Variants in ALPK2 observed in about 807,000 individuals in gnomAD.
ALPK2 encodes alpha-protein kinase 2.
Under a neutral mutation model 163.1 loss-of-function variants are expected in ALPK2, and 127 were observed. The ratio of observed to expected loss-of-function variants is 0.78; its 90% CI spans 0.67 to 0.90. The LOEUF is 0.90. ALPK2 is among the 40% of genes least tolerant of loss of function. The probability of loss-of-function intolerance (pLI) is 0.00; values close to 1 mark genes in which losing one functional copy is unlikely to be tolerated. For missense variants in ALPK2, 2,360 were observed against 2,589.6 expected (o/e 0.91, Z 1.92); for synonymous variants, 953 against 959.1 (o/e 0.99, Z 0.12).
intron 1 of ALPK2, among the ~76,000 whole-genome samples, chr18:58,622,305 C>T (rs1188612539): frequency 1.3e-5 from 2 of 152,110 alleles, no homozygotes; most frequent in Admixed American, 6.5e-5. Context: ...CGAGATCGCA[C>T]CATTGCACTC....
At chr18:58,584,963 G>T (rs1318739772) in intron 3 of ALPK2, among the ~76,000 whole-genome samples, 2 of 152,180 alleles carry the variant, frequency 1.3e-5, no homozygotes, top group Non-Finnish European at 2.9e-5. Context: ...ACAATTAATT[G>T]AATTCCCTCC....
At position 58,529,164 on chromosome 18, in the gene ALPK2, A is replaced by C; in HGVS notation, c.5428T>G (p.Phe1810Val). ...HSGNVKLSCQ[F>V]AEIHEDSTIC... is the part of the protein sequence containing the mutation. ...GTAGAATCTTCATGAATTTCTGCAA[A>C]TTGGCAGCTTAATTTTACATTTCCA... The change falls in exon 6 of 13, where the codon TTT becomes GTT. Residue 1810 changes from phenylalanine to valine, a missense_variant. Physicochemically the swap from Phe to Val is conservative, Grantham distance 50. Coordinates refer to ENST00000361673, the MANE Select transcript of ALPK2 (RefSeq NM_052947.4). 6.2e-7 allele frequency: 1 copy of C among 1,614,094 alleles called. No individual in the cohort carries two copies. The highest frequency in any genetic ancestry group is 1.1e-5 in the South Asian group (1 of 91,078).
At chr18:58,492,533 A>G (rs1188242772) in intron 12 of ALPK2, among the ~76,000 whole-genome samples, 1 of 151,306 alleles carries the variant, frequency 6.6e-6, no homozygotes. Flanking sequence ...TGTCACCCCA[A>G]CCCTCTCAGC....
At chr18:58,554,204 G>A (rs2051777003) in intron 4 of ALPK2, among the ~76,000 whole-genome samples, 1 of 152,140 alleles carries the variant, frequency 6.6e-6, no homozygotes, top group South Asian at 2.1e-4. Context: ...TAATACAAAC[G>A]TGTTAGCTCA....
chr18:58,602,341 C>T (rs866858336), intron 3 of ALPK2, among the ~76,000 whole-genome samples: 4 of 152,304 alleles, frequency 2.6e-5, no homozygotes, highest in Middle Eastern at 3.4e-3. Flanking sequence ...AACAAACTAC[C>T]GCAAACTGGG....
At chr18:58,539,638 T>G (rs1243170443) in intron 4 of ALPK2, among the ~76,000 whole-genome samples, 1 of 152,204 alleles carries the variant, frequency 6.6e-6, no homozygotes, top group East Asian at 1.9e-4. Flanking sequence ...AGGGAACAGA[T>G]GACTGGCCTT....
At chr18:58,519,343 C>G (rs534064830) in intron 8 of ALPK2, among the ~76,000 whole-genome samples, 1 of 152,278 alleles carries the variant, frequency 6.6e-6, no homozygotes, top group South Asian at 2.1e-4. Flanking sequence ...GCCTCTAATA[C>G]CACTAACAGA....
intron 4 of ALPK2, among the ~76,000 whole-genome samples, chr18:58,572,183 A>G (rs1457879355): frequency 1.3e-5 from 2 of 152,210 alleles, no homozygotes; most frequent in Non-Finnish European, 2.9e-5. Context: ...ATGCAAATTA[A>G]AAGCTACAAT....
In ALPK2 at chr18:58,481,722, C is replaced by A; in HGVS notation, c.*101G>T. 1.1e-6 allele frequency: 1 copy of A among 936,456 alleles called. No individual in the cohort carries two copies. Among genetic ancestry groups the A allele is most frequent in the Non-Finnish European group, 1.7e-6 (1 of 596,488 alleles). 58.0% of individuals were successfully genotyped at this position (936,456 alleles called of 1,614,324 possible). A position where few individuals can be genotyped will look rare whatever the true frequency, so the allele number is the denominator to read the frequency against. ...AGTCGGCTGGGAGTAAGGATTGCCA[C>A]GCACTCTCTGCAGGCTGTATATTCT... On this transcript the variant is annotated 3_prime_UTR_variant, in exon 13 of 13. Transcript: ENST00000361673.
At chr18:58,526,803 G>A (rs897005753) in intron 6 of ALPK2, among the ~76,000 whole-genome samples, 28 of 152,192 alleles carry the variant, frequency 1.8e-4, no homozygotes, top group African/African-American at 6.8e-4. Flanking sequence ...GTTAAGGAAA[G>A]TACCCAAAAC....
chr18:58,594,847 G>A (rs1055552885), intron 3 of ALPK2, among the ~76,000 whole-genome samples: 1 of 152,146 alleles, frequency 6.6e-6, no homozygotes, highest in Admixed American at 6.5e-5. Context: ...ACCGTCCTGG[G>A]TGGAGGCACC....
intron 2 of ALPK2, among the ~76,000 whole-genome samples, chr18:58,609,468 G>A (rs11664616): frequency 0.12 from 18,462 of 152,164 alleles, 1,145 homozygotes; most frequent in South Asian, 0.17. Flanking sequence ...TTGTGGGTAC[G>A]TGGCTGTTTT....
At chr18:58,571,636 A>G (rs147275466) in intron 4 of ALPK2, among the ~76,000 whole-genome samples, 8 of 152,290 alleles carry the variant, frequency 5.3e-5, no homozygotes, top group African/African-American at 1.9e-4. Context: ...AAAACTGACC[A>G]TTAGACCTCA....
chr18:58,504,171 C>T (rs771635591), intron 10 of ALPK2, 23 bp from the exon 11 acceptor site: 13 of 1,595,228 alleles, frequency 8.1e-6, no homozygotes, highest in East Asian at 6.7e-5. Context: ...AGAACACAGG[C>T]GCACATCAAG....
chr18:58,586,603 T>C (rs548742005), intron 3 of ALPK2, among the ~76,000 whole-genome samples: 4 of 152,264 alleles, frequency 2.6e-5, no homozygotes, highest in Admixed American at 6.5e-5. Flanking sequence ...CAGGACCCAG[T>C]TGGGGCTCCT....
At chr18:58,571,732 C>A (rs1338931410) in intron 4 of ALPK2, among the ~76,000 whole-genome samples, 1 of 151,938 alleles carries the variant, frequency 6.6e-6, no homozygotes, top group Non-Finnish European at 1.5e-5. Context: ...ATTTGGAAAT[C>A]TTTAGGAGGC....
At chr18:58,555,692 G>A (rs937397491) in intron 4 of ALPK2, among the ~76,000 whole-genome samples, 1 of 152,200 alleles carries the variant, frequency 6.6e-6, no homozygotes, top group Admixed American at 6.5e-5. Flanking sequence ...GGGCATGCAT[G>A]AGGCCCGAAG....
At chr18:58,563,605 A>T (rs188602603) in intron 4 of ALPK2, among the ~76,000 whole-genome samples, 5 of 152,348 alleles carry the variant, frequency 3.3e-5, no homozygotes, top group Admixed American at 1.3e-4. Flanking sequence ...TCTCTCATGA[A>T]CCTGTAAGTT....
Position 58,578,898 on chromosome 18 carries a change from G to T in ALPK2, c.1878C>A (p.Gly626=). 6.2e-7 allele frequency: 1 copy of T among 1,614,152 alleles called. No individual in the cohort carries two copies. Among genetic ancestry groups the T allele is most frequent in the East Asian group, 2.2e-5 (1 of 44,880 alleles). ...QTSTDSVSKE[G]NTNCKGEGMQ... is the part of the protein sequence containing the mutation. ...TGCCTTCTCCCTTGCAATTTGTGTT[G>T]CCTTCTTTGGAGACTGAGTCTGTTG... The change falls in exon 4 of 13, where the codon GGC becomes GGA. Residue 626 remains glycine (G), a synonymous_variant. Transcript: ENST00000361673.
Sources: allele counts gnomAD v4.1 joint callset (sites outside exome capture counted in the v4.1 genomes callset), GRCh38; gene constraint gnomAD v4.1.1; transcripts MANE v1.5; gene names NCBI Gene and HGNC (gene_info 2026-07-23, HGNC 2026-07-21).